ADAMTS16: variants seen among roughly 807,000 people sequenced by gnomAD.
ADAMTS16 encodes the protein ADAM metallopeptidase with thrombospondin type 1 motif 16.
ADAMTS16 carries 94 observed loss-of-function variants against 145.8 expected under a neutral mutation model. That is an observed-to-expected ratio of 0.64 (90% confidence interval 0.55 to 0.77). ADAMTS16 has a LOEUF of 0.77. ADAMTS16 is among the 30% of genes least tolerant of loss of function. The probability of loss-of-function intolerance (pLI) is 0.00; values close to 1 mark genes in which losing one functional copy is unlikely to be tolerated. For missense variants in ADAMTS16, 1,585 were observed against 1,591.5 expected (o/e 1.00, Z 0.07); for synonymous variants, 659 against 604.3 (o/e 1.09, Z -1.33).
Position 5,143,454 on chromosome 5 carries a change from G to A in ADAMTS16, c.176-2676G>A, listed in dbSNP as rs1330661595. The stretch of plus-strand genomic sequence containing the variant: ...ATACCATCTCACGCCATTTAGAATG[G>A]CAATCTTTAAAAAGTCAGAAAACAA... On this transcript the variant is annotated intron_variant, in intron 2 of 22. Transcript: ENST00000274181. 5.3e-5 allele frequency among the ~76,000 whole-genome samples: 8 copies of A among 152,184 alleles called. No individual in the cohort carries two copies. In the East Asian group the frequency reaches 1.2e-3, roughly 22 times the overall value.
chr5:5,263,244 G>T (rs1038476172), intron 18 of ADAMTS16, among the ~76,000 whole-genome samples: 7 of 152,142 alleles, frequency 4.6e-5, no homozygotes, highest in African/African-American at 1.7e-4. Flanking sequence ...CAGAAAGCCA[G>T]GGCTCTTGTC....
intron 3 of ADAMTS16, among the ~76,000 whole-genome samples, chr5:5,175,723 G>A (rs1735174324): frequency 6.6e-6 from 1 of 152,144 alleles, no homozygotes; most frequent in South Asian, 2.1e-4. Flanking sequence ...CCCTGGTCTG[G>A]TCTAAATGTT....
At chr5:5,280,950 C>T (rs753428090) in intron 18 of ADAMTS16, among the ~76,000 whole-genome samples, 4 of 152,228 alleles carry the variant, frequency 2.6e-5, no homozygotes, top group Non-Finnish European at 5.9e-5. Flanking sequence ...TTGCTCTACC[C>T]TATCTCTTCA....
chr5:5,200,045 T>C, intron 8 of ADAMTS16, 87 bp from the exon 9 acceptor site: 1 of 1,453,818 alleles, frequency 6.9e-7, no homozygotes, highest in African/African-American at 1.4e-5. Context: ...AGTCTCACAG[T>C]CTTGACTTGT....
At chr5:5,157,197 T>G (rs554578028) in intron 3 of ADAMTS16, among the ~76,000 whole-genome samples, 1 of 152,204 alleles carries the variant, frequency 6.6e-6, no homozygotes, top group Non-Finnish European at 1.5e-5. Context: ...ATTTTGTATC[T>G]TCTATAATTT....
chr5:5,229,245 C>G (rs1031944540), intron 11 of ADAMTS16, among the ~76,000 whole-genome samples: 1 of 143,202 alleles, frequency 7.0e-6, no homozygotes, highest in African/African-American at 2.7e-5. Flanking sequence ...TTGCAGTGAG[C>G]CGAGATTGCG....
intron 9 of ADAMTS16, 91 bp downstream of exon 9, chr5:5,200,360 T>C: frequency 6.6e-7 from 1 of 1,516,854 alleles, no homozygotes; most frequent in Non-Finnish European, 8.9e-7. Context: ...AGCCCCAGGC[T>C]GTGCTTCCTG....
At chr5:5,246,877 G>T (rs992120040) in intron 17 of ADAMTS16, among the ~76,000 whole-genome samples, 3 of 152,184 alleles carry the variant, frequency 2.0e-5, no homozygotes, top group Non-Finnish European at 4.4e-5. Flanking sequence ...GGAGCAAGGA[G>T]TTACCCATAT....
intron 2 of ADAMTS16, among the ~76,000 whole-genome samples, chr5:5,143,037 C>T (rs551123129): frequency 6.6e-6 from 1 of 152,264 alleles, no homozygotes; most frequent in Non-Finnish European, 1.5e-5. Flanking sequence ...TTCCTTACAC[C>T]TTATACAGAA....
intron 4 of ADAMTS16, among the ~76,000 whole-genome samples, chr5:5,184,694 T>G (rs190757832): frequency 6.6e-6 from 1 of 152,178 alleles, no homozygotes; most frequent in East Asian, 1.9e-4. Flanking sequence ...GGTGTGCAGC[T>G]GGGGCCTGTG....
intron 18 of ADAMTS16, among the ~76,000 whole-genome samples, chr5:5,285,094 C>CA (rs1739057355): frequency 6.6e-6 from 1 of 152,098 alleles, no homozygotes; most frequent in African/African-American, 2.4e-5. Flanking sequence ...CCATCTCTCC[C>CA]AAAATGACCA....
At chr5:5,151,144 C>A (rs1015457569) in intron 3 of ADAMTS16, among the ~76,000 whole-genome samples, 4 of 151,790 alleles carry the variant, frequency 2.6e-5, no homozygotes, top group East Asian at 3.9e-4. Flanking sequence ...TTATTTCTTT[C>A]TTTTAAAAAT....
chr5:5,297,315 G>T (rs1739581789), intron 18 of ADAMTS16, among the ~76,000 whole-genome samples: 1 of 152,180 alleles, frequency 6.6e-6, no homozygotes, highest in Non-Finnish European at 1.5e-5. Flanking sequence ...CTCTTACTCT[G>T]ATGAAAAAAG....
At chr5:5,192,961 T>C (rs1189585810) in intron 8 of ADAMTS16, among the ~76,000 whole-genome samples, 1 of 152,174 alleles carries the variant, frequency 6.6e-6, no homozygotes, top group East Asian at 1.9e-4. Flanking sequence ...CAACAATACT[T>C]GAAATTTCTC....
At position 5,140,728 on chromosome 5, in the gene ADAMTS16, C is replaced by T. The variant is rs753546840; in HGVS notation, c.137C>T (p.Pro46Leu). The T allele has an allele frequency of 1.9e-6, 3 of 1,570,522 alleles. No homozygotes were observed. Among genetic ancestry groups the T allele is most frequent in the South Asian group, 2.3e-5 (2 of 85,774 alleles). ...GGGAGCCCGAGCGTCCCGCGTCCTC[C>T]TCCACCCGCGGAGCGGCCGGGCTGG... is the stretch of plus-strand genomic sequence containing the variant. ...APGSPSVPRP[P>L]PPAERPGWME... Residue 46 changes from proline (P) to leucine (L), a missense_variant, in exon 2 of 23, where the codon CCT becomes CTT. Pro to Leu is a moderately conservative substitution (Grantham distance 98). Coordinates refer to ENST00000274181, the MANE Select transcript of ADAMTS16 (RefSeq NM_139056.4).
At chr5:5,171,216 A>G (rs1735033532) in intron 3 of ADAMTS16, among the ~76,000 whole-genome samples, 1 of 152,148 alleles carries the variant, frequency 6.6e-6, no homozygotes, top group Admixed American at 6.5e-5. Context: ...TCACTGGCAA[A>G]GAAGGATAAT....
At chr5:5,284,940 C>A (rs114298940) in intron 18 of ADAMTS16, among the ~76,000 whole-genome samples, 12 of 152,100 alleles carry the variant, frequency 7.9e-5, no homozygotes, top group Admixed American at 6.5e-4. Context: ...GTTCCTCTGG[C>A]GCACTTATTC....
intron 11 of ADAMTS16, among the ~76,000 whole-genome samples, chr5:5,227,640 T>C (rs890875171): frequency 1.3e-5 from 2 of 152,140 alleles, no homozygotes; most frequent in Admixed American, 1.3e-4. Flanking sequence ...TTTAATACTT[T>C]TTAAAAGTAG....
chr5:5,235,249 G>A (rs1240357562), intron 13 of ADAMTS16, 63 bp downstream of exon 13: 59 of 1,407,582 alleles, frequency 4.2e-5, no homozygotes, highest in Non-Finnish European at 5.6e-5. Context: ...TTTTAAAGAA[G>A]TACATGATTG....
Sources: allele counts gnomAD v4.1 joint callset (sites outside exome capture counted in the v4.1 genomes callset), GRCh38; gene constraint gnomAD v4.1.1; transcripts MANE v1.5; gene names NCBI Gene and HGNC (gene_info 2026-07-23, HGNC 2026-07-21).